ZNFX1: variants seen among roughly 807,000 people sequenced by gnomAD.
ZNFX1 encodes the protein NFX1-type zinc finger-containing protein 1.
In ZNFX1, 78 loss-of-function variants were observed where a neutral mutation model predicts 179.8. The observed-to-expected ratio is 0.43, with a 90% confidence interval of 0.36 to 0.52. The LOEUF (loss-of-function observed/expected upper bound fraction) is 0.52. ZNFX1 is among the 20% of genes least tolerant of loss of function. The pLI is 0.00. For synonymous variants in ZNFX1, 848 were observed against 868.5 expected (o/e 0.98, Z 0.42); for missense variants, 1,927 against 2,386.6 (o/e 0.81, Z 4.01).
chr20:49,251,247 A>G (rs1568981538), intron 13 of ZNFX1, among the ~76,000 whole-genome samples: 1 of 151,976 alleles, frequency 6.6e-6, no homozygotes. Flanking sequence ...GGTTCAAGCA[A>G]TTCTCCCACC....
In ZNFX1 at chr20:49,271,563, G is replaced by A. The variant is rs918046326; in HGVS notation, c.249C>T (p.Asn83=). The A allele has an allele frequency of 3.1e-6, 5 of 1,614,096 alleles. No homozygotes were observed. Among genetic ancestry groups the A allele is most frequent in the Non-Finnish European group, 3.4e-6 (4 of 1,180,026 alleles). The change falls in exon 3 of 14, where the codon AAC becomes AAT. Residue 83 remains asparagine (N), a synonymous_variant. Coordinates refer to ENST00000396105, the MANE Select transcript of ZNFX1 (RefSeq NM_021035.3). ...CTTCGTCGCTGGCATGCCCCTCCTG[G>A]TTCCTCCTTCCTTGATGTGGGTTCC... ...MGRNPHQGRR[N]QEGHASDEAR...
chr20:49,271,756 C>A lies in ZNFX1; in HGVS notation c.62-6G>T. On this transcript the variant is annotated splice_polypyrimidine_tract_variant and splice_region_variant and intron_variant, in intron 2 of 13. Transcript: ENST00000396105. ...TAACTCTCCATCCACAGGGCCTAAA[C>A]ACAATGAAATATTGAGTAACCACAA... 2 of 1,595,522 alleles carry A rather than the reference C, an allele frequency of 1.3e-6. No individual in the cohort carries two copies. Among genetic ancestry groups the A allele is most frequent in the South Asian group, 1.1e-5 (1 of 89,610 alleles).
At position 49,251,729 on chromosome 20, in the gene ZNFX1, G is replaced by T. The variant is rs1041094840; in HGVS notation, c.3217-107C>A. 6.1e-6 allele frequency: 5 copies of T among 821,254 alleles called. No individual in the cohort carries two copies. In the African/African-American group the frequency reaches 7.0e-5, roughly 12 times the overall value. The allele number at this position is 821,254 out of a possible 1,614,324, so 50.9% of individuals were successfully genotyped here. On this transcript the variant is annotated intron_variant, in intron 12 of 13. Transcript: ENST00000396105. ...AAATTTAGGGAGGGCCAGTTGTGAT[G>T]GCTTGTATCTGTAATCCCATCACTT...
chr20:49,259,978 T>C (rs1261188870), intron 7 of ZNFX1, among the ~76,000 whole-genome samples: 4 of 152,242 alleles, frequency 2.6e-5, no homozygotes, highest in African/African-American at 2.4e-5. Flanking sequence ...CTCATCAACA[T>C]GGGGTTATAT....
Position 49,254,627 on chromosome 20 carries a change from C to T in ZNFX1, c.2827G>A (p.Ala943Thr). The stretch of plus-strand genomic sequence containing the variant: ...CTGAGGATCTTCCGGCGGGTGTCAG[C>T]CTGGTACAACTGTAGCCAGAGCCTG... ...LYRLWLQLYQ[A>T]DTRRKILSYE... Residue 943 changes from alanine (A) to threonine (T), a missense_variant, in exon 10 of 14, where the codon GCT (alanine) becomes ACT (threonine). Physicochemically the swap from Ala to Thr is moderately conservative, Grantham distance 58. Transcript: ENST00000396105. The T allele has an allele frequency of 6.2e-7, 1 of 1,613,978 alleles. No individual in the cohort carries two copies. Among genetic ancestry groups the T allele is most frequent in the Middle Eastern group, 1.7e-4 (1 of 5,980 alleles).
intron 13 of ZNFX1, among the ~76,000 whole-genome samples, chr20:49,251,187 G>C (rs1355761138): frequency 6.6e-6 from 1 of 151,990 alleles, no homozygotes; most frequent in African/African-American, 2.4e-5. Context: ...GCCCAGCCTG[G>C]AGTGCAGTAG....
chr20:49,255,782 G>T, intron 9 of ZNFX1, 26 bp downstream of exon 9: 2 of 1,593,236 alleles, frequency 1.3e-6, no homozygotes, highest in Non-Finnish European at 1.7e-6. Flanking sequence ...TCCCTACATG[G>T]GTTGGCTAGA....
chr20:49,253,601 G>T (rs1375842540), intron 11 of ZNFX1, 65 bp downstream of exon 11: 46 of 1,597,800 alleles, frequency 2.9e-5, no homozygotes, highest in Non-Finnish European at 3.9e-5. Flanking sequence ...AGAGGCCAGG[G>T]TCTTCCTTTA....
At position 49,249,548 on chromosome 20, in the gene ZNFX1, G is replaced by A; in HGVS notation, c.3476C>T (p.Thr1159Ile). Residue 1159 changes from threonine to isoleucine, a missense_variant, in exon 14 of 14, where the codon ACC becomes ATC. Physicochemically the swap from Thr to Ile is moderately conservative, Grantham distance 89. Coordinates refer to ENST00000396105, the MANE Select transcript of ZNFX1 (RefSeq NM_021035.3). ...YLPSQITILTTYTGQLFCLRK... is the reference protein window; with the variant it reads ...YLPSQITILTIYTGQLFCLRK... ...CAGGCAGAAGAGCTGCCCGGTATAG[G>A]TAGTGAGGATGGTGATCTGGGAAGG... 6.2e-7 allele frequency: 1 copy of A among 1,614,248 alleles called. No homozygotes were observed. The highest frequency in any genetic ancestry group is 1.1e-5 in the South Asian group (1 of 91,082).
chr20:49,248,674 G>A lies in ZNFX1; in HGVS notation c.4350C>T (p.His1450=). ...DCGHPCPGSC[H]SCFEGRFHER... ...CATGGAAACGCCCTTCGAAGCAGCT[G>A]TGGCAGGAGCCTGGGCAAGGATGCC... Residue 1450 remains histidine (H), a synonymous_variant, in exon 14 of 14, where the codon CAC becomes CAT. Coordinates refer to ENST00000396105, the MANE Select transcript of ZNFX1 (RefSeq NM_021035.3). This position sits in a 1 kb window ranked among gnomAD's most constrained non-coding sequence, Gnocchi z 4.6. The A allele has an allele frequency of 3.1e-6, 5 of 1,613,216 alleles. No homozygotes were observed. Among genetic ancestry groups the A allele is most frequent in the Non-Finnish European group, 4.2e-6 (5 of 1,180,048 alleles).
rs1981354274 is a variant in ZNFX1, at chr20:49,270,463, T to C, written c.1349A>G (p.Tyr450Cys). 2 of 1,614,186 alleles carry C rather than the reference T, an allele frequency of 1.2e-6. No individual in the cohort carries two copies. The highest frequency in any genetic ancestry group is 1.1e-5 in the South Asian group (1 of 91,086). Reference sequence around the variant, plus strand: ...CTTGGACATGCATACCAAAGACCCATAGAGCAATCGTTTGGAATTCTGCCA... The same window carrying C: ...CTTGGACATGCATACCAAAGACCCACAGAGCAATCGTTTGGAATTCTGCCA... ...VRWQNSKRLL[Y>C]GSLVCMSKDN... The change falls in exon 3 of 14, where the codon TAT becomes TGT. Residue 450 changes from tyrosine (Y) to cysteine (C), a missense_variant. By Grantham distance (194) the Tyr-to-Cys change is radical. Coordinates refer to ENST00000396105, the MANE Select transcript of ZNFX1 (RefSeq NM_021035.3). The surrounding 1 kb of genome is among the most constrained non-coding windows in gnomAD (Gnocchi z 4.6).
rs140020490 is a variant in ZNFX1 at position 49,247,609 on chromosome 20, A to G, written c.5415T>C (p.Asp1805=). The G allele has an allele frequency of 5.6e-6, 9 of 1,614,126 alleles. No individual in the cohort carries two copies. Among genetic ancestry groups the G allele is most frequent in the Middle Eastern group, 1.6e-4 (1 of 6,084 alleles). ...CCATCTTTTCCTGCACAAGTTGTTC[A>G]TCCTCTTGGGTGAACTTACATGTTT... ...LEKTCKFTQE[D]EQLVQEKMEA... The change falls in exon 14 of 14, where the codon GAT becomes GAC. Residue 1805 remains aspartate (D), a synonymous_variant. Coordinates refer to ENST00000396105, the MANE Select transcript of ZNFX1 (RefSeq NM_021035.3).
intron 13 of ZNFX1, among the ~76,000 whole-genome samples, chr20:49,250,232 G>A (rs2014297282): frequency 6.6e-6 from 1 of 152,154 alleles, no homozygotes; most frequent in African/African-American, 2.4e-5. Flanking sequence ...TCCAGCCTGG[G>A]TGACAGACAG....
At chr20:49,256,982 T>G (rs1980985511) in intron 8 of ZNFX1, among the ~76,000 whole-genome samples, 1 of 152,232 alleles carries the variant, frequency 6.6e-6, no homozygotes. Context: ...AAGTGTCAAA[T>G]TCCAGGCTGA....
rs777550718 is a variant in ZNFX1 at position 49,260,477 on chromosome 20, C to A, written c.2402G>T (p.Gly801Val). The A allele has an allele frequency of 6.2e-7, 1 of 1,612,428 alleles. No individual in the cohort carries two copies. Among genetic ancestry groups the A allele is most frequent in the Non-Finnish European group, 8.5e-7 (1 of 1,179,292 alleles). Reference sequence around the variant, plus strand: ...GCACTTCTTACCTGTATTCTCAGGTCCTGCTGGAGAAACACTTTGCGTGAA... The same window carrying A: ...GCACTTCTTACCTGTATTCTCAGGTACTGCTGGAGAAACACTTTGCGTGAA... ...GSFTQSVSPA[G>V]PENTAQAEGD... Residue 801 changes from glycine to valine, a missense_variant, in exon 7 of 14, where the codon GGA becomes GTA. Physicochemically the swap from Gly to Val is moderately radical, Grantham distance 109. Transcript: ENST00000396105.
At position 49,250,835 on chromosome 20, in the gene ZNFX1, AGCCACCACACCCAGCCAGGCACAT is replaced by A. The variant is rs558689929; in HGVS notation, c.3312+668_3312+691del. 3.6e-3 allele frequency among the ~76,000 whole-genome samples: 550 copies of A among 152,264 alleles called. 3 individuals are homozygous for A. Among genetic ancestry groups the A allele is most frequent in the African/African-American group, 0.013 (529 of 41,526 alleles). The stretch of plus-strand genomic sequence containing the variant: ...CGAAAGTGCTGAGATTATAGGCATG[AGCCACCACACCCAGCCAGGCACAT>A]GCCACCGCACCCAGCTAATTTTTGT... On this transcript the variant is annotated intron_variant, in intron 13 of 13. Coordinates refer to ENST00000396105, the MANE Select transcript of ZNFX1 (RefSeq NM_021035.3).
At chr20:49,258,962 G>A (rs1162610751) in intron 7 of ZNFX1, among the ~76,000 whole-genome samples, 6 of 151,146 alleles carry the variant, frequency 4.0e-5, no homozygotes, top group Non-Finnish European at 5.9e-5. Context: ...AATAAGCTGG[G>A]TGTGGTGAGT....
chr20:49,262,181 G>A (rs1362497227), intron 6 of ZNFX1, among the ~76,000 whole-genome samples: 1 of 151,676 alleles, frequency 6.6e-6, no homozygotes, highest in Non-Finnish European at 1.5e-5. Context: ...TTGGAGAGCC[G>A]AGGTGGGCGG....
At position 49,251,590 on chromosome 20, in the gene ZNFX1, C is replaced by T; in HGVS notation, c.3249G>A (p.Leu1083=). 1 of 1,612,426 alleles carries T rather than the reference C, an allele frequency of 6.2e-7. No homozygotes were observed. Among genetic ancestry groups the T allele is most frequent in the Non-Finnish European group, 8.5e-7 (1 of 1,179,216 alleles). The change falls in exon 13 of 14, where the codon TTG becomes TTA. Residue 1083 remains leucine (L), a synonymous_variant. Transcript: ENST00000396105. ...CCAGATCCTGGTAAATGTGGGGGGT[C>T]AAAAGGCGGGCAATTTCAGGGCACA... is the stretch of plus-strand genomic sequence containing the variant. ...HRMCPEIARL[L]TPHIYQDLEN... is the part of the protein sequence containing the mutation.
Sources: gnomAD v4.1 joint callset for allele counts (sites outside exome capture counted in the v4.1 genomes callset) on GRCh38, gnomAD v4.1.1 for gene constraint, Gnocchi (gnomAD v3.1) non-coding constraint, MANE v1.5 for transcripts, NCBI Gene and HGNC (gene_info 2026-07-23, HGNC 2026-07-21) for gene names.